Variants in MED12L observed in about 807,000 individuals in gnomAD.
MED12L encodes the protein mediator of RNA polymerase II transcription subunit 12-like protein.
A neutral mutation model predicts 281.3 loss-of-function variants in MED12L; 60 were observed. The ratio of observed to expected loss-of-function variants is 0.21; its 90% CI spans 0.17 to 0.26. MED12L has a LOEUF of 0.26. Ranked by LOEUF, MED12L falls within the 10% of genes least tolerant of loss-of-function variation. The probability of loss-of-function intolerance (pLI) is 1.00; values close to 1 mark genes in which losing one functional copy is unlikely to be tolerated. For missense variants in MED12L, 2,146 were observed against 2,680.9 expected (o/e 0.80, Z 4.41); for synonymous variants, 974 against 987.2 (o/e 0.99, Z 0.25).
chr3:151,377,933 C>A (rs375916407), intron 30 of MED12L, 79 bp from the exon 31 acceptor site: 1 of 1,369,406 alleles, frequency 7.3e-7, no homozygotes, highest in African/African-American at 1.5e-5. Context: ...ATCAAAGTTT[C>A]GCTTTGGAGT....
intron 16 of MED12L, among the ~76,000 whole-genome samples, chr3:151,245,453 G>A (rs1321065404): frequency 7.0e-6 from 1 of 142,952 alleles, no homozygotes; most frequent in Non-Finnish European, 1.5e-5. Context: ...TGGGATGCAA[G>A]GCTGGTTCAA....
intron 16 of MED12L, among the ~76,000 whole-genome samples, chr3:151,331,971 G>T (rs1750405747): frequency 1.3e-5 from 2 of 152,196 alleles, no homozygotes; most frequent in African/African-American, 4.8e-5. Flanking sequence ...CATAGATAGG[G>T]TGACAGTGGA....
intron 16 of MED12L, among the ~76,000 whole-genome samples, chr3:151,221,140 G>A (rs1461770217): frequency 2.6e-5 from 4 of 152,144 alleles, no homozygotes; most frequent in Non-Finnish European, 4.4e-5. Context: ...AGAGATTCGT[G>A]GAACTTTGAA....
intron 39 of MED12L, 97 bp downstream of exon 39, chr3:151,394,964 T>C (rs1714769067): frequency 1.4e-6 from 2 of 1,460,322 alleles, no homozygotes; most frequent in Non-Finnish European, 1.9e-6. Context: ...TCTGTATGCA[T>C]ATCCCTGTAT....
chr3:151,094,271 A>G (rs752474846), intron 2 of MED12L, among the ~76,000 whole-genome samples: 12 of 152,248 alleles, frequency 7.9e-5, no homozygotes, highest in Middle Eastern at 3.2e-3. Context: ...TTCTGGGAAC[A>G]CCATTCTCAG....
intron 42 of MED12L, among the ~76,000 whole-genome samples, chr3:151,416,038 C>T (rs3732770): frequency 1.1e-4 from 16 of 152,190 alleles, no homozygotes; most frequent in East Asian, 9.7e-4. Context: ...GGGATGGCCC[C>T]GGACAGCGCA....
chr3:151,252,507 C>G (rs1737047063), intron 16 of MED12L, among the ~76,000 whole-genome samples: 1 of 152,100 alleles, frequency 6.6e-6, no homozygotes, highest in Non-Finnish European at 1.5e-5. Flanking sequence ...TCTTTGGCAC[C>G]TGACATTTTT....
rs145599697 is a variant in MED12L at position 151,127,801 on chromosome 3, A to G, written c.397-24A>G. 1.7e-3 allele frequency: 2,535 copies of G among 1,521,572 alleles called. 6 individuals are homozygous for G. Among genetic ancestry groups the G allele is most frequent in the Middle Eastern group, 9.1e-3 (53 of 5,828 alleles). The allele number at this position is 1,521,572 out of a possible 1,614,324, so 94.3% of individuals were successfully genotyped here. ...TGAACACAGTACGTGATTATTATAA[A>G]TATACTATGTTGTTTCTTTTTAGGT... On this transcript the variant is annotated intron_variant, in intron 4 of 44. Transcript: ENST00000687756.
chr3:151,432,824 A>C lies in MED12L; in HGVS notation c.*20A>C, dbSNP rs761511914. ...TTCTGAATCTGCAAGAGGAGAAGAC[A>C]TGACGTTTTATGTTTGCACTGAAAA... is the stretch of plus-strand genomic sequence containing the variant. On this transcript the variant is annotated 3_prime_UTR_variant, in exon 45 of 45. Coordinates refer to ENST00000687756, the MANE Select transcript of MED12L (RefSeq NM_001393769.1). 3 of 1,597,858 alleles carry C rather than the reference A, an allele frequency of 1.9e-6. No homozygotes were observed. Among genetic ancestry groups the C allele is most frequent in the East Asian group, 2.2e-5 (1 of 44,668 alleles).
intron 16 of MED12L, chr3:151,212,824 A>G (rs992264170): frequency 6.6e-6 from 1 of 152,014 alleles, no homozygotes; most frequent in Non-Finnish European, 1.5e-5. Context: ...CTGACTTTTT[A>G]TTGCAAACAG....
chr3:151,287,331 C>G (rs1209603695), intron 16 of MED12L, among the ~76,000 whole-genome samples: 2 of 152,166 alleles, frequency 1.3e-5, no homozygotes, highest in African/African-American at 4.8e-5. Context: ...TGAGACCAGA[C>G]TTGCTACTGC....
chr3:151,287,106 T>C (rs544098092), intron 16 of MED12L, among the ~76,000 whole-genome samples: 1 of 152,178 alleles, frequency 6.6e-6, no homozygotes, highest in East Asian at 1.9e-4. Context: ...TCAGTAGACA[T>C]TAGGTATTTT....
chr3:151,160,580 G>A (rs894983271), intron 8 of MED12L, among the ~76,000 whole-genome samples: 8 of 152,150 alleles, frequency 5.3e-5, no homozygotes, highest in African/African-American at 1.9e-4. Flanking sequence ...ATACTACCAG[G>A]AATATCAGGA....
intron 26 of MED12L, among the ~76,000 whole-genome samples, chr3:151,371,138 CTTTCT>C (rs1360635325): frequency 1.3e-5 from 2 of 152,124 alleles, no homozygotes; most frequent in African/African-American, 4.8e-5. Flanking sequence ...TGTTTTTTCT[CTTTCT>C]TTTCTTTTCC....
At chr3:151,411,704 A>G (rs1716956163) in intron 41 of MED12L, among the ~76,000 whole-genome samples, 197 bp downstream of exon 41, 1 of 152,226 alleles carries the variant, frequency 6.6e-6, no homozygotes, top group African/African-American at 2.4e-5. Flanking sequence ...TGTTTATTTC[A>G]TTAAAGATCC....
intron 16 of MED12L, among the ~76,000 whole-genome samples, chr3:151,233,798 C>T (rs1011489717): frequency 1.4e-4 from 21 of 152,204 alleles, no homozygotes; most frequent in African/African-American, 5.1e-4. Context: ...ATTCTTGGAT[C>T]GTTCCTGTTC....
intron 16 of MED12L, chr3:151,294,154 CAA>C (rs1281816511): frequency 7.0e-7 from 1 of 1,437,902 alleles, no homozygotes; most frequent in South Asian, 1.2e-5. Flanking sequence ...TCGATTCCAA[CAA>C]ACAATAAAAG....
intron 2 of MED12L, among the ~76,000 whole-genome samples, chr3:151,112,108 A>G (rs1471095197): frequency 1.3e-5 from 2 of 152,112 alleles, no homozygotes; most frequent in Non-Finnish European, 2.9e-5. Context: ...TTGGGAGACT[A>G]TTTTGTTAGT....
intron 44 of MED12L, among the ~76,000 whole-genome samples, chr3:151,432,135 A>G (rs1010217994): frequency 1.3e-5 from 2 of 152,188 alleles, no homozygotes; most frequent in Non-Finnish European, 2.9e-5. Flanking sequence ...GGGCCTCCGG[A>G]TTTGAATACT....
Sources: gnomAD v4.1 joint callset for allele counts (sites outside exome capture counted in the v4.1 genomes callset) on GRCh38, gnomAD v4.1.1 for gene constraint, MANE v1.5 for transcripts, NCBI Gene and HGNC (gene_info 2026-07-23, HGNC 2026-07-21) for gene names.